The following ERBB4 variants were observed in gnomAD, a reference collection of about 807,000 sequenced individuals.
The protein encoded by ERBB4 is receptor tyrosine-protein kinase erbB-4.
Under a neutral mutation model 158.0 loss-of-function variants are expected in ERBB4, and 42 were observed. The observed-to-expected ratio is 0.27, with a 90% CI of 0.21 to 0.34. The LOEUF is 0.34. ERBB4 is among the 10% of genes least tolerant of loss of function. The pLI is 1.00. For missense variants in ERBB4, 1,333 were observed against 1,624.1 expected, an observed-to-expected ratio of 0.82 and a Z score of 3.08; for synonymous variants, 583 against 558.7, an observed-to-expected ratio of 1.04 and a Z score of -0.61.
rs1454562419 is a variant in ERBB4 at position 212,184,863 on chromosome 2, A to T, written c.83-59960T>A. Among the ~76,000 whole-genome samples, 3 of 152,096 alleles carry T rather than the reference A, an allele frequency of 2.0e-5. No homozygotes were observed. In the East Asian group the frequency reaches 5.8e-4, roughly 29 times the overall value. On this transcript the variant is annotated intron_variant, in intron 1 of 27. Coordinates refer to ENST00000342788, the MANE Select transcript of ERBB4 (RefSeq NM_005235.3). ...CAAGAAAATAAGTATTTTTTTTCTT[A>T]GATTCTAGTCTCCTGGCTTCTTTGC...
chr2:211,922,339 T>C (rs546043752), intron 3 of ERBB4, among the ~76,000 whole-genome samples: 10 of 152,258 alleles, frequency 6.6e-5, no homozygotes, highest in Non-Finnish European at 1.5e-4. Context: ...TGAACAAGAG[T>C]GACGTGAAAA....
chr2:211,688,495 C>G (rs746031897), intron 12 of ERBB4, among the ~76,000 whole-genome samples: 43 of 152,180 alleles, frequency 2.8e-4, no homozygotes, highest in Non-Finnish European at 5.9e-4. Context: ...GAATCACTTT[C>G]CCTTGTGTTC....
intron 3 of ERBB4, among the ~76,000 whole-genome samples, chr2:211,915,878 T>C (rs1375925657): frequency 6.6e-6 from 1 of 151,938 alleles, no homozygotes; most frequent in Non-Finnish European, 1.5e-5. Flanking sequence ...TGAAATCTTC[T>C]AAGTTCCAGG....
chr2:212,023,723 AAAAAG>A (rs1056623763), intron 2 of ERBB4, among the ~76,000 whole-genome samples: 11 of 151,964 alleles, frequency 7.2e-5, no homozygotes, highest in South Asian at 2.1e-4. Flanking sequence ...TTTTGAAAAA[AAAAAG>A]AAAACAATTT....
chr2:212,102,738 G>A (rs1397714435), intron 2 of ERBB4, among the ~76,000 whole-genome samples: 1 of 152,068 alleles, frequency 6.6e-6, no homozygotes, highest in Non-Finnish European at 1.5e-5. Context: ...TGGAGCTATA[G>A]ATCTCTCCCA....
chr2:212,459,999 C>T (rs945538621), intron 1 of ERBB4, among the ~76,000 whole-genome samples: 5 of 152,148 alleles, frequency 3.3e-5, no homozygotes, highest in African/African-American at 1.2e-4. Flanking sequence ...GTAACTGAAT[C>T]ATGAGGGTAA....
At chr2:211,925,702 C>T (rs1304453233) in intron 3 of ERBB4, among the ~76,000 whole-genome samples, 6 of 151,834 alleles carry the variant, frequency 4.0e-5, no homozygotes, top group South Asian at 2.1e-4. Context: ...TTTAAAACTA[C>T]GGAAATAAAT....
At chr2:211,768,427 G>T (rs959602804) in intron 4 of ERBB4, among the ~76,000 whole-genome samples, 3 of 152,204 alleles carry the variant, frequency 2.0e-5, no homozygotes, top group Non-Finnish European at 4.4e-5. Context: ...ACTCTGTGTG[G>T]GGGCTACAAC....
At chr2:211,619,509 C>T (rs1489809366) in intron 18 of ERBB4, among the ~76,000 whole-genome samples, 2 of 152,044 alleles carry the variant, frequency 1.3e-5, no homozygotes, top group Non-Finnish European at 2.9e-5. Flanking sequence ...GATGTTTACA[C>T]TACTGTCAAA....
At chr2:211,535,242 C>T (rs1250873039) in intron 20 of ERBB4, among the ~76,000 whole-genome samples, 1 of 151,996 alleles carries the variant, frequency 6.6e-6, no homozygotes, top group Admixed American at 6.6e-5. Flanking sequence ...TTGTTAAATA[C>T]TTTGCTGTTG....
chr2:212,135,010 T>C (rs551333477), intron 1 of ERBB4, among the ~76,000 whole-genome samples: 2 of 152,242 alleles, frequency 1.3e-5, no homozygotes, highest in East Asian at 3.9e-4. Context: ...TAAACAATCC[T>C]TGAGCCTAAT....
chr2:211,553,681 G>A (rs957663351), intron 20 of ERBB4, among the ~76,000 whole-genome samples: 1 of 152,106 alleles, frequency 6.6e-6, no homozygotes, highest in Admixed American at 6.6e-5. Context: ...AAAATAGGTA[G>A]CACTGTTATC....
chr2:212,338,574 T>C (rs562562595), intron 1 of ERBB4, among the ~76,000 whole-genome samples: 2 of 152,280 alleles, frequency 1.3e-5, no homozygotes, highest in Admixed American at 1.3e-4. Flanking sequence ...AAATAACTGA[T>C]GCAATTCAGA....
intron 3 of ERBB4, among the ~76,000 whole-genome samples, chr2:211,930,516 A>C (rs1009786392): frequency 6.6e-6 from 1 of 152,152 alleles, no homozygotes; most frequent in Non-Finnish European, 1.5e-5. Flanking sequence ...CCGAGTCTGC[A>C]AACCAAGTCT....
chr2:211,792,130 TA>T (rs1559522965), intron 3 of ERBB4, among the ~76,000 whole-genome samples: 1 of 151,772 alleles, frequency 6.6e-6, no homozygotes, highest in Non-Finnish European at 1.5e-5. Flanking sequence ...TCAATATTTA[TA>T]AGGTAACTTC....
At chr2:211,505,675 C>A (rs1574627691) in intron 20 of ERBB4, among the ~76,000 whole-genome samples, 1 of 152,186 alleles carries the variant, frequency 6.6e-6, no homozygotes, top group East Asian at 1.9e-4. Context: ...AAGTTATAGA[C>A]AGGGGCTGGG....
At chr2:211,906,713 C>T (rs1265849460) in intron 3 of ERBB4, among the ~76,000 whole-genome samples, 2 of 151,532 alleles carry the variant, frequency 1.3e-5, no homozygotes, top group Non-Finnish European at 2.9e-5. Context: ...CCACCCTCTA[C>T]CCTCAAGTAG....
In ERBB4 at chr2:211,907,065, C is replaced by G. The variant is rs76146470; in HGVS notation, c.421+40365G>C. On this transcript the variant is annotated intron_variant, in intron 3 of 27. Coordinates refer to ENST00000342788, the MANE Select transcript of ERBB4 (RefSeq NM_005235.3). ...TAAATGTCTAACATAACAGAGTTGT[C>G]CTACCAGCTTTGCTCATCTACATCA... 9.6e-4 allele frequency among the ~76,000 whole-genome samples: 145 copies of G among 151,780 alleles called. 3 individuals are homozygous for G. In the South Asian group the frequency reaches 0.015, roughly 16 times the overall value.
intron 20 of ERBB4, among the ~76,000 whole-genome samples, chr2:211,432,080 G>A (rs2063757784): frequency 6.6e-6 from 1 of 152,132 alleles, no homozygotes; most frequent in African/African-American, 2.4e-5. Flanking sequence ...TTTTGTTGAA[G>A]TGTTAGGGGA....
Sources: gnomAD v4.1 joint callset for allele counts (sites outside exome capture counted in the v4.1 genomes callset) on GRCh38, gnomAD v4.1.1 for gene constraint, MANE v1.5 for transcripts, NCBI Gene and HGNC (gene_info 2026-07-23, HGNC 2026-07-21) for gene names.